EPS15: variants seen among roughly 807,000 people sequenced by gnomAD.
The protein encoded by EPS15 is epidermal growth factor receptor substrate 15.
EPS15 carries 72 observed loss-of-function variants against 113.8 expected under a neutral mutation model. That is an observed-to-expected ratio of 0.63 (90% CI 0.52 to 0.77). EPS15 has a LOEUF of 0.77. Among genes scored for constraint, EPS15 ranks in the 30% least tolerant of loss-of-function variants. The pLI is 0.00. For missense variants in EPS15, 1,048 were observed against 1,045.8 expected, an observed-to-expected ratio of 1.00 and a Z score of -0.03; for synonymous variants, 344 against 363.4, an observed-to-expected ratio of 0.95 and a Z score of 0.61.
intron 1 of EPS15, among the ~76,000 whole-genome samples, chr1:51,499,031 C>A (rs756343017): frequency 6.6e-6 from 1 of 152,158 alleles, no homozygotes; most frequent in Non-Finnish European, 1.5e-5. Flanking sequence ...ATCCCTTTTA[C>A]GCCCTTCTAC....
intron 7 of EPS15, chr1:51,463,206 C>G (rs1463158195): frequency 6.6e-6 from 1 of 152,162 alleles, no homozygotes; most frequent in Non-Finnish European, 1.5e-5. Context: ...CTTAGTAAAA[C>G]CAGTCAAAGA....
At chr1:51,473,279 C>A (rs1052971231) in intron 2 of EPS15, among the ~76,000 whole-genome samples, 2 of 152,130 alleles carry the variant, frequency 1.3e-5, no homozygotes, top group South Asian at 4.1e-4. Flanking sequence ...AATTAAATGG[C>A]ACTAGGAAGA....
chr1:51,481,749 T>C (rs1264164008), intron 1 of EPS15, among the ~76,000 whole-genome samples: 4 of 152,342 alleles, frequency 2.6e-5, no homozygotes, highest in Non-Finnish European at 4.4e-5. Context: ...ATATACAAAC[T>C]GACATACAGA....
At chr1:51,403,380 CT>C in intron 17 of EPS15, 38 bp downstream of exon 17, 1 of 1,128,480 alleles carries the variant, frequency 8.9e-7, no homozygotes. Context: ...TCCTTCCACC[CT>C]TACAAGTCCC....
intron 21 of EPS15, among the ~76,000 whole-genome samples, chr1:51,391,360 TG>T (rs1647341341): frequency 6.6e-6 from 1 of 151,994 alleles, no homozygotes. Flanking sequence ...ATATACCTAA[TG>T]CTAAATGACG....
At chr1:51,362,514 C>A (rs1288038245) in intron 23 of EPS15, among the ~76,000 whole-genome samples, 2 of 152,156 alleles carry the variant, frequency 1.3e-5, no homozygotes, top group Non-Finnish European at 2.9e-5. Flanking sequence ...TGGCATCATG[C>A]AAGTTGTAAA....
rs1455890343 is a variant in EPS15 at position 51,405,393 on chromosome 1, C to T, written c.1677+512G>A. Among the ~76,000 whole-genome samples, 3 of 152,066 alleles carry T rather than the reference C, an allele frequency of 2.0e-5. No homozygotes were observed. The East Asian group carries it at 5.8e-4, about 29-fold the overall frequency. On this transcript the variant is annotated intron_variant, in intron 16 of 24. Coordinates refer to ENST00000371733, the MANE Select transcript of EPS15 (RefSeq NM_001981.3). ...ATAGAACCACCATTTTAAAAACAGG[C>T]TCTACAAAAAATAAATTAGCTGGCT... is the stretch of plus-strand genomic sequence containing the variant.
At chr1:51,369,686 T>A (rs1646601341) in intron 21 of EPS15, among the ~76,000 whole-genome samples, 1 of 152,220 alleles carries the variant, frequency 6.6e-6, no homozygotes, top group Non-Finnish European at 1.5e-5. Context: ...CGGTTTTTTG[T>A]GAAGGTGTAC....
chr1:51,384,590 G>T (rs1647020199), intron 21 of EPS15, among the ~76,000 whole-genome samples: 1 of 151,842 alleles, frequency 6.6e-6, no homozygotes, highest in Non-Finnish European at 1.5e-5. Context: ...CACCCACCTT[G>T]ACCTCCCAAA....
At chr1:51,495,432 G>A (rs1644308910) in intron 1 of EPS15, among the ~76,000 whole-genome samples, 1 of 151,246 alleles carries the variant, frequency 6.6e-6, no homozygotes, top group African/African-American at 2.4e-5. Context: ...CAGAATACCA[G>A]TCAAGAAATA....
In EPS15 at chr1:51,421,942, G is replaced by A. The variant is rs570717866; in HGVS notation, c.1041-84C>T. 29 of 1,572,282 alleles carry A rather than the reference G, an allele frequency of 1.8e-5. No homozygotes were observed. The East Asian group carries it at 2.3e-4, about 12-fold the overall frequency. On this transcript the variant is annotated intron_variant, in intron 12 of 24. Coordinates refer to ENST00000371733, the MANE Select transcript of EPS15 (RefSeq NM_001981.3). The stretch of plus-strand genomic sequence containing the variant: ...TTATCCATCCTCCTAATCCTGAATC[G>A]CTTTTTAAATACATAGTGAAACATT...
rs1654440189 is a variant in EPS15, at chr1:51,461,448, G to A, written c.502-298C>T. ...AGGTAGGAGGATCCCTTAAGCCTAG[G>A]AGATCAAGGCTGCAGTGCACTATGA... On this transcript the variant is annotated intron_variant, in intron 7 of 24. Transcript: ENST00000371733. Among the ~76,000 whole-genome samples, 3 of 149,740 alleles carry A rather than the reference G, an allele frequency of 2.0e-5. No individual in the cohort carries two copies. The South Asian group carries it at 6.4e-4, about 32-fold the overall frequency.
At chr1:51,423,469 G>A in intron 12 of EPS15, 1 of 985,340 alleles carries the variant, frequency 1.0e-6, no homozygotes, top group Non-Finnish European at 1.2e-6. Context: ...GCAGATGAAT[G>A]TTTTCAGTCT....
intron 10 of EPS15, among the ~76,000 whole-genome samples, chr1:51,445,274 T>C (rs1173664149): frequency 1.3e-5 from 2 of 152,172 alleles, no homozygotes; most frequent in Admixed American, 1.3e-4. Context: ...CTAATCTGGG[T>C]TTACACTTTG....
intron 19 of EPS15, 21 bp from the exon 20 acceptor site, chr1:51,399,186 T>G: frequency 6.2e-7 from 1 of 1,606,972 alleles, no homozygotes; most frequent in Middle Eastern, 1.7e-4. Flanking sequence ...AAGGCACGAA[T>G]ATAAGAGACA....
chr1:51,386,710 A>C (rs988425500), intron 21 of EPS15, among the ~76,000 whole-genome samples: 3 of 152,246 alleles, frequency 2.0e-5, no homozygotes, highest in Non-Finnish European at 4.4e-5. Flanking sequence ...ACTGGAAGAA[A>C]GGGTATCAGT....
intron 23 of EPS15, among the ~76,000 whole-genome samples, chr1:51,363,212 C>A (rs1413556648): frequency 6.6e-6 from 1 of 151,302 alleles, no homozygotes; most frequent in Non-Finnish European, 1.5e-5. Context: ...GCAGGAGAAT[C>A]CCTTGAATCC....
intron 21 of EPS15, among the ~76,000 whole-genome samples, chr1:51,367,531 C>T (rs553315169): frequency 1.6e-4 from 24 of 152,166 alleles, no homozygotes; most frequent in South Asian, 1.2e-3. Context: ...CCAGCCTGGG[C>T]GACAGAGCGT....
intron 21 of EPS15, among the ~76,000 whole-genome samples, chr1:51,390,159 C>T (rs1386039120): frequency 5.3e-5 from 8 of 151,540 alleles, no homozygotes; most frequent in Non-Finnish European, 5.9e-5. Flanking sequence ...GAAATAACGC[C>T]GCATATCTAC....
Sources: allele counts gnomAD v4.1 joint callset (sites outside exome capture counted in the v4.1 genomes callset), GRCh38; gene constraint gnomAD v4.1.1; transcripts MANE v1.5; gene names NCBI Gene and HGNC (gene_info 2026-07-23, HGNC 2026-07-21).